Variants in VDAC2 observed in about 807,000 individuals in gnomAD.
VDAC2 encodes the protein non-selective voltage-gated ion channel VDAC2.
In VDAC2, 6 loss-of-function variants were observed where a neutral mutation model predicts 36.6. The observed-to-expected ratio is 0.16, with a 90% CI of 0.09 to 0.32. VDAC2 has a LOEUF of 0.32. Ranked by LOEUF, VDAC2 falls within the 10% of genes least tolerant of loss-of-function variation. The probability of loss-of-function intolerance (pLI) is 1.00; values close to 1 mark genes in which losing one functional copy is unlikely to be tolerated. For missense variants in VDAC2, 247 were observed against 346.0 expected, an observed-to-expected ratio of 0.71 and a Z score of 2.27; for synonymous variants, 109 against 123.8, an observed-to-expected ratio of 0.88 and a Z score of 0.79.
rs147273680 is a variant in VDAC2 at position 75,214,061 on chromosome 10, C to G, written c.141C>G (p.Cys47Trp). Reference sequence around the variant, plus strand: ...AACTGGATGTGAAAACAAAGTCTTGCAGTGGCGTGGTGAGTGTTACTGTTG... The same window carrying G: ...AACTGGATGTGAAAACAAAGTCTTGGAGTGGCGTGGTGAGTGTTACTGTTG... ...LVKLDVKTKSCSGVEFSTSGS... is the reference protein window; with the variant it reads ...LVKLDVKTKSWSGVEFSTSGS... Residue 47 changes from cysteine (C) to tryptophan (W), a missense_variant, in exon 4 of 10, where the codon TGC becomes TGG. Physicochemically the swap from Cys to Trp is radical, Grantham distance 215 (BLOSUM62 -2). Coordinates refer to ENST00000332211, the MANE Select transcript of VDAC2 (RefSeq NM_001391963.1). 9.3e-6 allele frequency: 15 copies of G among 1,612,828 alleles called. 1 individual carries two copies. The East Asian group carries it at 2.7e-4, about 29-fold the overall frequency.
chr10:75,227,353 T>C (rs569023370), intron 8 of VDAC2, among the ~76,000 whole-genome samples: 1 of 152,106 alleles, frequency 6.6e-6, no homozygotes, highest in Non-Finnish European at 1.5e-5. Flanking sequence ...GGCAGTTTTA[T>C]GAAACTGAGC....
intron 8 of VDAC2, among the ~76,000 whole-genome samples, chr10:75,228,708 AGACATC>A (rs1842027369): frequency 1.3e-5 from 2 of 152,240 alleles, no homozygotes; most frequent in Admixed American, 1.3e-4. Flanking sequence ...ATAAGAGTAT[AGACATC>A]GAATCATTTG....
intron 4 of VDAC2, among the ~76,000 whole-genome samples, chr10:75,216,427 T>C (rs1261758538): frequency 6.6e-6 from 1 of 152,170 alleles, no homozygotes; most frequent in Non-Finnish European, 1.5e-5. Context: ...GAAGGATATG[T>C]AGGAGCTGGA....
chr10:75,225,845 T>A (rs1391995042), intron 8 of VDAC2, among the ~76,000 whole-genome samples: 1 of 152,070 alleles, frequency 6.6e-6, no homozygotes, highest in East Asian at 1.9e-4. Context: ...CAGGCTGGAG[T>A]GCAGTGGCGT....
At chr10:75,229,827 G>T in intron 9 of VDAC2, 126 bp downstream of exon 9, 23 of 596,340 alleles carry the variant, frequency 3.9e-5, no homozygotes, top group South Asian at 1.4e-4. Context: ...ATAAATACGT[G>T]TTTACCTTTT....
At chr10:75,211,410 C>G (rs565596504) in intron 2 of VDAC2, 2 of 1,452,098 alleles carry the variant, frequency 1.4e-6, no homozygotes, top group Non-Finnish European at 1.8e-6. Flanking sequence ...GCCGCATGGA[C>G]TTTTCAGCCT....
chr10:75,213,219 C>T (rs1841485320), intron 3 of VDAC2, among the ~76,000 whole-genome samples: 1 of 150,870 alleles, frequency 6.6e-6, no homozygotes, highest in Admixed American at 6.6e-5. Flanking sequence ...ACTGGGATTA[C>T]AGGCACATGC....
At chr10:75,218,665 G>A (rs1841686645) in intron 4 of VDAC2, among the ~76,000 whole-genome samples, 1 of 152,044 alleles carries the variant, frequency 6.6e-6, no homozygotes, top group Non-Finnish European at 1.5e-5. Context: ...GGAAGGCTGA[G>A]GCAGGAGAAT....
In VDAC2 at chr10:75,214,076, T is replaced by TTAAA; in HGVS notation, c.150+6_150+7insTAAA. On this transcript the variant is annotated splice_region_variant and intron_variant, in intron 4 of 9. Transcript: ENST00000332211. Reference sequence around the variant, plus strand: ...CAAAGTCTTGCAGTGGCGTGGTGAGTGTTACTGTTGAATAAGTTCTATTGA... The same window carrying TTAAA: ...CAAAGTCTTGCAGTGGCGTGGTGAGTTAAAGTTACTGTTGAATAAGTTCTATTGA... 1 of 1,612,526 alleles carries TTAAA rather than the reference T, an allele frequency of 6.2e-7. No homozygotes were observed. The highest frequency in any genetic ancestry group is 8.5e-7 in the Non-Finnish European group (1 of 1,179,064).
chr10:75,229,570 T>TG (rs1195496878), intron 8 of VDAC2, 74 bp from the exon 9 acceptor site: 5 of 1,198,760 alleles, frequency 4.2e-6, no homozygotes, highest in Non-Finnish European at 6.0e-6. Flanking sequence ...CATGATTACA[T>TG]GATGGGGAAA....
intron 7 of VDAC2, among the ~76,000 whole-genome samples, chr10:75,221,966 T>G (rs1303913150): frequency 6.6e-6 from 1 of 152,256 alleles, no homozygotes; most frequent in Admixed American, 6.5e-5. Flanking sequence ...TGTGTATATA[T>G]ACTTATATAT....
intron 8 of VDAC2, among the ~76,000 whole-genome samples, chr10:75,227,162 A>G (rs1292973023): frequency 6.6e-6 from 1 of 152,184 alleles, no homozygotes; most frequent in African/African-American, 2.4e-5. Context: ...CTGGCTGTTC[A>G]TTTATATCCT....
chr10:75,213,718 T>C (rs1429505400), intron 3 of VDAC2, among the ~76,000 whole-genome samples: 2 of 152,158 alleles, frequency 1.3e-5, no homozygotes, highest in East Asian at 3.9e-4. Context: ...CACTCCAGCC[T>C]GGGCAACAGA....
intron 6 of VDAC2, among the ~76,000 whole-genome samples, chr10:75,219,779 C>T (rs1215592915): frequency 6.7e-6 from 1 of 148,912 alleles, no homozygotes; most frequent in Non-Finnish European, 1.5e-5. Context: ...GCCACCACGC[C>T]CAGCCTTTTT....
At position 75,219,353 on chromosome 10, in the gene VDAC2, C is replaced by G; in HGVS notation, c.353C>G (p.Thr118Arg). 6.3e-7 allele frequency: 1 copy of G among 1,596,822 alleles called. No homozygotes were observed. The highest frequency in any genetic ancestry group is 8.5e-7 in the Non-Finnish European group (1 of 1,171,072). The change falls in exon 6 of 10, where the codon ACA becomes AGA. Residue 118 changes from threonine (T) to arginine (R), a missense_variant. Coordinates refer to ENST00000332211, the MANE Select transcript of VDAC2 (RefSeq NM_001391963.1). ...LTFDTTFSPN[T>R]GKKSGKIKSS... is the part of the protein sequence containing the mutation. ...TTTGATACTACCTTCTCACCAAACACAGGGTAAGCACAGACATTTTTATCT... is the reference window on the plus strand; with the variant it reads ...TTTGATACTACCTTCTCACCAAACAGAGGGTAAGCACAGACATTTTTATCT...
intron 5 of VDAC2, 27 bp downstream of exon 5, chr10:75,219,242 A>G (rs1340459328): frequency 6.4e-7 from 1 of 1,556,202 alleles, no homozygotes; most frequent in African/African-American, 1.4e-5. Flanking sequence ...TTTAGTATTA[A>G]TTTTATTAAT....
intron 2 of VDAC2, 27 bp downstream of exon 2, chr10:75,211,216 A>G (rs1249394582): frequency 1.2e-6 from 2 of 1,610,828 alleles, no homozygotes; most frequent in Non-Finnish European, 1.7e-6. Context: ...TCTCTGCGGG[A>G]TGGGGCGGCG....
At chr10:75,227,445 T>C (rs1210741978) in intron 8 of VDAC2, among the ~76,000 whole-genome samples, 1 of 152,184 alleles carries the variant, frequency 6.6e-6, no homozygotes, top group African/African-American at 2.4e-5. Context: ...TGGAGTCTGC[T>C]GCAGAATCGT....
At chr10:75,217,521 G>A (rs561800702) in intron 4 of VDAC2, among the ~76,000 whole-genome samples, 64 of 152,222 alleles carry the variant, frequency 4.2e-4, no homozygotes, top group African/African-American at 1.5e-3. Flanking sequence ...GGGATTACAG[G>A]GATGCACCAC....
Sources: allele counts gnomAD v4.1 joint callset (sites outside exome capture counted in the v4.1 genomes callset), GRCh38; gene constraint gnomAD v4.1.1; transcripts MANE v1.5; gene names NCBI Gene and HGNC (gene_info 2026-07-23, HGNC 2026-07-21).